The following PIF1 variants were observed in gnomAD, a reference collection of about 807,000 sequenced individuals.
PIF1 encodes ATP-dependent DNA helicase PIF1.
In PIF1, 67 loss-of-function variants were observed where a neutral mutation model predicts 62.3. The ratio of observed to expected loss-of-function variants is 1.08; its 90% CI spans 0.88 to 1.32. The LOEUF (loss-of-function observed/expected upper bound fraction) is 1.32, where lower values mean the gene tolerates loss of function less well. PIF1 is among the 40% of genes most tolerant of loss of function. The pLI, the probability that PIF1 is intolerant of heterozygous loss-of-function variation, is 0.00. For synonymous variants in PIF1, 364 were observed against 379.5 expected (o/e 0.96, Z 0.47); for missense variants, 886 against 866.1 (o/e 1.02, Z -0.29).
intron 9 of PIF1, 74 bp from the exon 10 acceptor site, chr15:64,818,418 C>T: frequency 7.0e-7 from 1 of 1,436,408 alleles, no homozygotes; most frequent in Non-Finnish European, 9.7e-7. Flanking sequence ...TGGCTGTTCT[C>T]AGAGGCTGAG....
At chr15:64,818,647 T>G in intron 9 of PIF1, 1 of 403,524 alleles carries the variant, frequency 2.5e-6, no homozygotes, top group South Asian at 2.6e-5. Context: ...TGGTTATAGG[T>G]ACATCTGTGG....
chr15:64,815,641 A>T lies in PIF1; in HGVS notation c.*657T>A. 3.3e-6 allele frequency: 5 copies of T among 1,508,524 alleles called. No individual in the cohort carries two copies. Among genetic ancestry groups the T allele is most frequent in the Non-Finnish European group, 4.5e-6 (5 of 1,123,378 alleles). 93.4% of individuals were successfully genotyped at this position (1,508,524 alleles called of 1,614,324 possible). A position where few individuals can be genotyped will look rare whatever the true frequency, so the allele number is the denominator to read the frequency against. ...GAGGCAGGAGGCACAGTTTTTACAC[A>T]ATTCTCTAGTTTATTTGTCCGAAAT... On this transcript the variant is annotated 3_prime_UTR_variant, in exon 13 of 13. Transcript: ENST00000559239.
In PIF1 at chr15:64,821,540, G is replaced by T; in HGVS notation, c.818-20C>A. Reference sequence around the variant, plus strand: ...CGATGCCTGTGAGTGACACTATTCAGCCTGGGCTAATACCCAAAGCCTCTC... The same window carrying T: ...CGATGCCTGTGAGTGACACTATTCATCCTGGGCTAATACCCAAAGCCTCTC... On this transcript the variant is annotated intron_variant, in intron 4 of 12. Transcript: ENST00000559239. 1 of 1,545,602 alleles carries T rather than the reference G, an allele frequency of 6.5e-7. No homozygotes were observed. The highest frequency in any genetic ancestry group is 8.7e-7 in the Non-Finnish European group (1 of 1,146,298).
upstream of PIF1, among the ~76,000 whole-genome samples, chr15:64,826,649 TATATATATATATATATACAC>T (rs1178857449): frequency 2.5e-4 from 9 of 35,872 alleles, no homozygotes; most frequent in South Asian, 1.4e-3. Context: ...TATATATATA[TATATATATATATATATACAC>T]ACACACACAC....
Position 64,821,096 on chromosome 15 carries a change from G to T in PIF1, c.1087-8C>A. 6.2e-7 allele frequency: 1 copy of T among 1,613,364 alleles called. No individual in the cohort carries two copies. The highest frequency in any genetic ancestry group is 8.5e-7 in the Non-Finnish European group (1 of 1,179,354). ...CCTCTTCCAGCTCTTGGACTGGTGG[G>T]GGCAGGGTGGGGGTGGGTCAAGGAG... On this transcript the variant is annotated splice_region_variant and splice_polypyrimidine_tract_variant and intron_variant, in intron 6 of 12. Transcript: ENST00000559239.
At position 64,820,891 on chromosome 15, in the gene PIF1, C is replaced by T. The variant is rs930394796; in HGVS notation, c.1193+91G>A. 2.1e-5 allele frequency: 25 copies of T among 1,173,076 alleles called. No homozygotes were observed. In the Admixed American group the frequency reaches 2.3e-4, roughly 11 times the overall value. 72.7% of individuals were successfully genotyped at this position (1,173,076 alleles called of 1,614,324 possible). A position where few individuals can be genotyped will look rare whatever the true frequency, so the allele number is the denominator to read the frequency against. On this transcript the variant is annotated intron_variant, in intron 7 of 12. Coordinates refer to ENST00000559239, the MANE Select transcript of PIF1 (RefSeq NM_001286496.2). ...GTGCTTGCTCCTGAGGGTAACAATT[C>T]TACCCCTTCTGTGAGTCCCTCTCTG...
Position 64,817,853 on chromosome 15 carries a change from C to T in PIF1, c.1674+93G>A, listed in dbSNP as rs532851949. ...CTCCAGCGTGGGCGACAGAGCAAGA[C>T]TCTGTCTCAAAAATAAAAAAAAGAC... On this transcript the variant is annotated intron_variant, in intron 11 of 12. Transcript: ENST00000559239. 1,320 of 1,419,700 alleles carry T rather than the reference C, an allele frequency of 9.3e-4. 5 individuals are homozygous for T. The highest frequency in any genetic ancestry group is 1.4e-3 in the Middle Eastern group (8 of 5,530). The allele number at this position is 1,419,700 out of a possible 1,614,324, so 87.9% of individuals were successfully genotyped here.
In PIF1 at chr15:64,815,983, G is replaced by C. The variant is rs1242729383; in HGVS notation, c.*315C>G. 5 of 1,527,570 alleles carry C rather than the reference G, an allele frequency of 3.3e-6. No homozygotes were observed. In the African/African-American group the frequency reaches 5.5e-5, roughly 17 times the overall value. The allele number at this position is 1,527,570 out of a possible 1,614,324, so 94.6% of individuals were successfully genotyped here. A position where few individuals can be genotyped will look rare whatever the true frequency, so the allele number is the denominator to read the frequency against. On this transcript the variant is annotated 3_prime_UTR_variant, in exon 13 of 13. Transcript: ENST00000559239. ...GGGATGTTCAGGACTCTGCAGCTCT[G>C]TGTCCAGCCCTTGCAGAGAGCTTTG... is the stretch of plus-strand genomic sequence containing the variant.
intron 4 of PIF1, 115 bp from the exon 5 acceptor site, chr15:64,821,635 G>C (rs577034306): frequency 7.7e-6 from 10 of 1,292,148 alleles, no homozygotes; most frequent in African/African-American, 1.6e-5. Flanking sequence ...GCAGTGGCAC[G>C]ATCTTGGCTC....
In PIF1 at chr15:64,816,126, T is replaced by C. The variant is rs2084177066; in HGVS notation, c.*172A>G. 6.8e-7 allele frequency: 1 copy of C among 1,462,904 alleles called. No homozygotes were observed. The allele number at this position is 1,462,904 out of a possible 1,614,324, so 90.6% of individuals were successfully genotyped here. A position where few individuals can be genotyped will look rare whatever the true frequency, so the allele number is the denominator to read the frequency against. ...GAGAAACTGAAGCACAGCTGGTATA[T>C]GGGTTTAAAGTACTCTCCCTTTAAC... On this transcript the variant is annotated 3_prime_UTR_variant, in exon 13 of 13. Transcript: ENST00000559239.
At chr15:64,826,167 GCT>G (rs2084365405), upstream of PIF1, among the ~76,000 whole-genome samples, 1 of 151,484 alleles carries the variant, frequency 6.6e-6, no homozygotes, top group Non-Finnish European at 1.5e-5. Context: ...TTACGCTTTG[GCT>G]CTCTCACCCA....
At chr15:64,818,177 A>C (rs2084222674) in intron 10 of PIF1, 80 bp downstream of exon 10, 2 of 1,611,090 alleles carry the variant, frequency 1.2e-6, no homozygotes, top group East Asian at 4.5e-5. Context: ...TTTCCTTCCT[A>C]GTCTTTTTCT....
In PIF1 at chr15:64,816,728, C is replaced by A. The variant is rs763947553; in HGVS notation, c.1712G>T (p.Arg571Leu). 4 of 1,609,248 alleles carry A rather than the reference C, an allele frequency of 2.5e-6. No individual in the cohort carries two copies. The highest frequency in any genetic ancestry group is 3.4e-6 in the Non-Finnish European group (4 of 1,178,382). ...ATAGGCCTGGCCACTGGCAAACACA[C>A]GGCCCAGAGAAATCTCCACACAATC... is the stretch of plus-strand genomic sequence containing the variant. ...TLDCVEISLG[R>L]VFASGQAYVA... Residue 571 changes from arginine (R) to leucine (L), a missense_variant, in exon 12 of 13, where the codon CGT becomes CTT. Arg to Leu is a moderately radical substitution (Grantham distance 102, BLOSUM62 -2). Coordinates refer to ENST00000559239, the MANE Select transcript of PIF1 (RefSeq NM_001286496.2).
In PIF1 at chr15:64,817,949, G is replaced by T. The variant is rs1381670464; in HGVS notation, c.1671C>A (p.Ser557Arg). 1.2e-6 allele frequency: 2 copies of T among 1,610,686 alleles called. No homozygotes were observed. Among genetic ancestry groups the T allele is most frequent in the African/African-American group, 2.7e-5 (2 of 74,756 alleles). Reference protein sequence around the residue: ...QLAWAMSIHKSQGMTLDCVEI... With the variant: ...QLAWAMSIHKRQGMTLDCVEI... The stretch of plus-strand genomic sequence containing the variant: ...TGCCCCCCACACCGGTGCTCACTTG[G>T]CTCTTGTGGATGGACATCGCCCAGG... The change falls in exon 11 of 13, where the codon AGC (serine) becomes AGA (arginine). Residue 557 changes from serine (S) to arginine (R), a missense_variant. Transcript: ENST00000559239.
In PIF1 at chr15:64,821,449, A is replaced by T. The variant is rs1426435691; in HGVS notation, c.889T>A (p.Trp297Arg). The change falls in exon 5 of 13, where the codon TGG becomes AGG. Residue 297 changes from tryptophan (W) to arginine (R), a missense_variant. Physicochemically the swap from Trp to Arg is moderately radical, Grantham distance 101. Coordinates refer to ENST00000559239, the MANE Select transcript of PIF1 (RefSeq NM_001286496.2). The part of the protein sequence containing the change: ...LAQRPGVRQG[W>R]LNCQRLVIDE... Reference sequence around the variant, plus strand: ...ATGACCAACCGCTGGCAGTTCAGCCAGCCCTGCCGCACGCCTGGCCTTTGG... The same window carrying T: ...ATGACCAACCGCTGGCAGTTCAGCCTGCCCTGCCGCACGCCTGGCCTTTGG... The T allele has an allele frequency of 6.2e-7, 1 of 1,614,100 alleles. No homozygotes were observed. The highest frequency in any genetic ancestry group is 8.5e-7 in the Non-Finnish European group (1 of 1,180,024).
At chr15:64,821,698 A>G (rs2084292649) in intron 4 of PIF1, 178 bp from the exon 5 acceptor site, 2 of 633,362 alleles carry the variant, frequency 3.2e-6, no homozygotes, top group Admixed American at 3.5e-5. Context: ...CAACCTCCAT[A>G]GTAGCTGGGA....
Position 64,823,863 on chromosome 15 carries a change from C to T in PIF1, c.473G>A (p.Arg158Gln), listed in dbSNP as rs1290653086. The change falls in exon 2 of 13, where the codon CGG (arginine) becomes CAG (glutamine). Residue 158 changes from arginine (R) to glutamine (Q), a missense_variant. Arg to Gln is a conservative substitution (Grantham distance 43). Coordinates refer to ENST00000559239, the MANE Select transcript of PIF1 (RefSeq NM_001286496.2). ...VTISPVQPEE[R>Q]RLRAATRVPD... is the part of the protein sequence containing the mutation. ...AACCCGGGTGGCCGCCCTGAGCCGC[C>T]GCTCCTCGGGCTGCACAGGGCTGAT... 6.5e-6 allele frequency: 9 copies of T among 1,388,792 alleles called. No homozygotes were observed. The highest frequency in any genetic ancestry group is 8.5e-6 in the Non-Finnish European group (9 of 1,060,568). 86.0% of individuals were successfully genotyped at this position (1,388,792 alleles called of 1,614,324 possible).
intron 4 of PIF1, chr15:64,821,839 A>G: frequency 3.3e-6 from 1 of 307,024 alleles, no homozygotes. Flanking sequence ...TCCTGGGTTC[A>G]CGCCATTCTC....
chr15:64,824,996 T>C (rs12905737), intron 1 of PIF1, among the ~76,000 whole-genome samples: 83,742 of 146,518 alleles, frequency 0.57, 24,555 homozygotes, highest in East Asian at 0.93. Flanking sequence ...TTTCTATATA[T>C]ATACACACAC....
Sources: allele counts gnomAD v4.1 joint callset (sites outside exome capture counted in the v4.1 genomes callset), GRCh38; gene constraint gnomAD v4.1.1; transcripts MANE v1.5; gene names NCBI Gene and HGNC (gene_info 2026-07-23, HGNC 2026-07-21).